The following SEC14L3 variants were observed in gnomAD, a reference collection of about 807,000 sequenced individuals.
The protein encoded by SEC14L3 is SEC14 like lipid binding 3.
Under a neutral mutation model 57.4 loss-of-function variants are expected in SEC14L3, and 56 were observed. That is an observed-to-expected ratio of 0.97 (90% CI 0.79 to 1.22). The LOEUF (loss-of-function observed/expected upper bound fraction) is 1.22. Among genes scored for constraint, SEC14L3 ranks in the 50% most tolerant of loss-of-function variants. The pLI, the probability that SEC14L3 is intolerant of heterozygous loss-of-function variation, is 0.00. For synonymous variants in SEC14L3, 173 were observed against 194.4 expected (o/e 0.89, Z 0.92); for missense variants, 485 against 511.7 (o/e 0.95, Z 0.50).
At chr22:30,454,722 ATAATC>A, downstream of SEC14L3, among the ~76,000 whole-genome samples, 1 of 79,742 alleles carries the variant, frequency 1.3e-5, no homozygotes, top group Non-Finnish European at 2.2e-5. Flanking sequence ...TATATAATCT[ATAATC>A]TATAATATAT....
At chr22:30,454,934 AT>A (rs1374374305), downstream of SEC14L3, among the ~76,000 whole-genome samples, 1 of 33,672 alleles carries the variant, frequency 3.0e-5, no homozygotes, top group Non-Finnish European at 4.9e-5. Flanking sequence ...TATAATAGAT[AT>A]ATAATATATT....
At chr22:30,454,878 TTATTATATATTATATAATAGATATATAA>T (rs1935072386), downstream of SEC14L3, among the ~76,000 whole-genome samples, 6 of 19,840 alleles carry the variant, frequency 3.0e-4, no homozygotes, top group Non-Finnish European at 4.3e-4. Flanking sequence ...ACATAATATA[TTATTATATATTATATAATAGATATATAA>T]TATATTATTA....
At chr22:30,466,926 G>T in intron 6 of SEC14L3, 56 bp downstream of exon 6, 1 of 1,537,882 alleles carries the variant, frequency 6.5e-7, no homozygotes, top group Non-Finnish European at 8.9e-7. Flanking sequence ...CTGGGTCATG[G>T]CAGGCCAAGC....
At position 30,471,978 on chromosome 22, in the gene SEC14L3, G is replaced by A. The variant is rs142934787; in HGVS notation, c.-20C>T. ...GCTCATGGTGCTGGCTGGGGCTTGA[G>A]GAGTGGTGGCCACTATAGGCAAGAG... On this transcript the variant is annotated 5_prime_UTR_variant, in exon 1 of 12. Coordinates refer to ENST00000215812, the MANE Select transcript of SEC14L3 (RefSeq NM_174975.5). The A allele has an allele frequency of 1.5e-4, 235 of 1,593,466 alleles. No homozygotes were observed. The highest frequency in any genetic ancestry group is 1.9e-4 in the Non-Finnish European group (219 of 1,170,000).
intron 5 of SEC14L3, 74 bp from the exon 6 acceptor site, chr22:30,467,151 A>G (rs1337990493): frequency 2.5e-6 from 4 of 1,596,310 alleles, no homozygotes; most frequent in Non-Finnish European, 2.6e-6. Context: ...CAAGTACATG[A>G]CCCCTTGGGG....
chr22:30,449,369 T>G (rs1231491114), intron 12 of SEC14L3: 9 of 1,293,968 alleles, frequency 7.0e-6, no homozygotes, highest in African/African-American at 1.5e-5. Context: ...GGATTCTATG[T>G]GTCATTCTAT....
Position 30,461,390 on chromosome 22 carries a change from G to C in SEC14L3, c.1001C>G (p.Thr334Arg), listed in dbSNP as rs1371616880. 1 of 1,613,950 alleles carries C rather than the reference G, an allele frequency of 6.2e-7. No homozygotes were observed. Among genetic ancestry groups the C allele is most frequent in the Admixed American group, 1.7e-5 (1 of 59,996 alleles). ...ATAGCGCTGGCTGGGTAGAACATCT[G>C]TCATCTCCCCTGCCCGCTGTCGCTC... ...MGERQRAGEM[T>R]DVLPSQRYNA... Residue 334 changes from threonine to arginine, a missense_variant, in exon 11 of 12, where the codon ACA becomes AGA. Coordinates refer to ENST00000215812, the MANE Select transcript of SEC14L3 (RefSeq NM_174975.5).
At chr22:30,454,107 C>T (rs1386488146) in intron 12 of SEC14L3, among the ~76,000 whole-genome samples, 2 of 152,120 alleles carry the variant, frequency 1.3e-5, no homozygotes, top group Non-Finnish European at 2.9e-5. Flanking sequence ...TCCTGTACAA[C>T]CTGCCCCGCA....
rs779175514 is a variant in SEC14L3, at chr22:30,461,503, C to T, written c.912-24G>A. 5.0e-6 allele frequency: 8 copies of T among 1,613,114 alleles called. No individual in the cohort carries two copies. The East Asian group carries it at 6.7e-5, about 13-fold the overall frequency. On this transcript the variant is annotated intron_variant, in intron 10 of 11. Transcript: ENST00000215812. ...ACCTGTCAGGGGGAGGGGGAGGAGA[C>T]AGGTTGCTGCTCAGCCTGATGGGTC...
downstream of SEC14L3, among the ~76,000 whole-genome samples, chr22:30,454,385 G>C (rs1935041052): frequency 6.6e-6 from 1 of 151,478 alleles, no homozygotes; most frequent in Non-Finnish European, 1.5e-5. Flanking sequence ...GGAGGAAATT[G>C]ATATGGAATC....
chr22:30,457,756 T>C (rs1184880523), downstream of SEC14L3, among the ~76,000 whole-genome samples: 1 of 151,528 alleles, frequency 6.6e-6, no homozygotes, highest in Non-Finnish European at 1.5e-5. Flanking sequence ...TTTTCCTTTC[T>C]CCTTCCTCCT....
Position 30,461,505 on chromosome 22 carries a change from G to A in SEC14L3, c.912-26C>T, listed in dbSNP as rs748351900. On this transcript the variant is annotated intron_variant, in intron 10 of 11. Coordinates refer to ENST00000215812, the MANE Select transcript of SEC14L3 (RefSeq NM_174975.5). ...CTGTCAGGGGGAGGGGGAGGAGACA[G>A]GTTGCTGCTCAGCCTGATGGGTCTC... 5 of 1,613,352 alleles carry A rather than the reference G, an allele frequency of 3.1e-6. No homozygotes were observed. In the South Asian group the frequency reaches 4.4e-5, roughly 14 times the overall value.
intron 11 of SEC14L3, 48 bp from the exon 12 acceptor site, chr22:30,460,190 CT>C (rs1314024286): frequency 1.9e-6 from 3 of 1,597,124 alleles, no homozygotes; most frequent in South Asian, 1.1e-5. Flanking sequence ...TTTACACACT[CT>C]TTTTTCCACC....
intron 1 of SEC14L3, 64 bp from the exon 2 acceptor site, chr22:30,470,646 G>T: frequency 6.2e-7 from 1 of 1,610,036 alleles, no homozygotes; most frequent in South Asian, 1.1e-5. Context: ...CAGACTCAAA[G>T]ACTGTTTTCA....
intron 5 of SEC14L3, among the ~76,000 whole-genome samples, chr22:30,468,287 A>AG (rs1935485750): frequency 1.0e-5 from 1 of 95,578 alleles, no homozygotes; most frequent in African/African-American, 6.2e-5. Flanking sequence ...TCAAGCAAAA[A>AG]AAAAAAGAGG....
chr22:30,451,093 G>A (rs921031114), intron 12 of SEC14L3, among the ~76,000 whole-genome samples: 3 of 152,236 alleles, frequency 2.0e-5, no homozygotes, highest in African/African-American at 7.2e-5. Flanking sequence ...CTGTGACTTT[G>A]GCTATTCCCA....
At position 30,461,681 on chromosome 22, in the gene SEC14L3, C is replaced by T; in HGVS notation, c.785G>A (p.Gly262Glu). 6.2e-7 allele frequency: 1 copy of T among 1,612,840 alleles called. No homozygotes were observed. Among genetic ancestry groups the T allele is most frequent in the Non-Finnish European group, 8.5e-7 (1 of 1,179,444 alleles). Residue 262 changes from glycine (G) to glutamate (E), a missense_variant, in exon 10 of 12, where the codon GGG (glycine) becomes GAG (glutamate). Gly to Glu is a moderately conservative substitution (Grantham distance 98, BLOSUM62 -2). Transcript: ENST00000215812. The stretch of plus-strand genomic sequence containing the variant: ...CACGTACATGGACTTGGGGATCTCC[C>T]CGCCATAGTTAATCTGCGGACATGG... ...PKCLTKINYG[G>E]EIPKSMYVRD...
At chr22:30,467,498 G>A (rs1935459384) in intron 5 of SEC14L3, among the ~76,000 whole-genome samples, 1 of 152,194 alleles carries the variant, frequency 6.6e-6, no homozygotes, top group Non-Finnish European at 1.5e-5. Flanking sequence ...ATAACCCACA[G>A]TTTTTGTCCT....
At chr22:30,468,293 A>AGG (rs35109929) in intron 5 of SEC14L3, among the ~76,000 whole-genome samples, 1,816 of 149,582 alleles carry the variant, frequency 0.012, 27 homozygotes, top group African/African-American at 0.032. Context: ...AAAAAAAAAA[A>AGG]GAGGGTTCTA....
Sources: gnomAD v4.1 joint callset for allele counts (sites outside exome capture counted in the v4.1 genomes callset) on GRCh38, gnomAD v4.1.1 for gene constraint, MANE v1.5 for transcripts, NCBI Gene and HGNC (gene_info 2026-07-23, HGNC 2026-07-21) for gene names.